TPD52: variants seen among roughly 807,000 people sequenced by gnomAD.
TPD52 encodes the protein prostate and colon associated protein.
Under a neutral mutation model 31.3 loss-of-function variants are expected in TPD52, and 17 were observed. The ratio of observed to expected loss-of-function variants is 0.54; its 90% CI spans 0.37 to 0.82. TPD52 has a LOEUF of 0.82. Ranked by LOEUF, TPD52 falls within the 40% of genes least tolerant of loss-of-function variation. The pLI, the probability that TPD52 is intolerant of heterozygous loss-of-function variation, is 0.00. For synonymous variants in TPD52, 83 were observed against 89.6 expected (o/e 0.93, Z 0.42); for missense variants, 212 against 240.1 (o/e 0.88, Z 0.77).
chr8:80,098,177 T>G (rs144644585), intron 1 of TPD52, among the ~76,000 whole-genome samples: 2 of 152,334 alleles, frequency 1.3e-5, no homozygotes, highest in South Asian at 2.1e-4. Flanking sequence ...CCGATGGAGA[T>G]GTACAAGGAG....
At chr8:80,077,516 C>A (rs1384439083) in intron 1 of TPD52, among the ~76,000 whole-genome samples, 2 of 152,054 alleles carry the variant, frequency 1.3e-5, no homozygotes, top group Non-Finnish European at 2.9e-5. Context: ...AGAACTTAAG[C>A]CTTGAATAGT....
chr8:80,039,433 C>T (rs114841697), intron 7 of TPD52, among the ~76,000 whole-genome samples: 248 of 150,856 alleles, frequency 1.6e-3, no homozygotes, highest in African/African-American at 5.7e-3. Context: ...TTTTTTTTTC[C>T]GTGTCACTTC....
chr8:80,161,732 A>ATTT (rs869141433), intron 1 of TPD52, among the ~76,000 whole-genome samples: 11,379 of 72,180 alleles, frequency 0.16, 591 homozygotes, highest in South Asian at 0.25. Flanking sequence ...ATATATATAT[A>ATTT]TTTTTTTTTT....
In TPD52 at chr8:80,046,666, A is replaced by G. The variant is rs118132420; in HGVS notation, c.414-2458T>C. Among the ~76,000 whole-genome samples, 398 of 152,322 alleles carry G rather than the reference A, an allele frequency of 2.6e-3. 2 individuals are homozygous for G. Among genetic ancestry groups the G allele is most frequent in the Non-Finnish European group, 4.5e-3 (303 of 68,028 alleles). The stretch of plus-strand genomic sequence containing the variant: ...AGGCACATTTTGTTAAAAATGTTGC[A>G]TCTTATTTGTAACCCCCAAATACAT... On this transcript the variant is annotated intron_variant, in intron 5 of 7. Coordinates refer to ENST00000518937, the MANE Select transcript of TPD52 (RefSeq NM_001025253.3).
At chr8:80,144,970 A>G (rs1810092757) in intron 1 of TPD52, among the ~76,000 whole-genome samples, 1 of 152,182 alleles carries the variant, frequency 6.6e-6, no homozygotes, top group African/African-American at 2.4e-5. Context: ...GATTAAGATT[A>G]TAATGAGTTA....
intron 1 of TPD52, among the ~76,000 whole-genome samples, chr8:80,163,815 A>G (rs1308972025): frequency 6.6e-6 from 1 of 152,232 alleles, no homozygotes; most frequent in Non-Finnish European, 1.5e-5. Context: ...AAAGAGTTAA[A>G]TAAACATTTG....
At chr8:80,155,929 G>A (rs2131225399) in intron 1 of TPD52, among the ~76,000 whole-genome samples, 1 of 151,686 alleles carries the variant, frequency 6.6e-6, no homozygotes, top group Admixed American at 6.6e-5. Context: ...AGAAAGAAGA[G>A]CAGATGAAGG....
chr8:80,147,626 AC>A (rs1236509584), intron 1 of TPD52, among the ~76,000 whole-genome samples: 20 of 152,074 alleles, frequency 1.3e-4, no homozygotes, highest in Admixed American at 2.6e-4. Flanking sequence ...GGCAGCGGCC[AC>A]CCCAGCTCCC....
At chr8:80,111,856 C>T (rs577339794) in intron 1 of TPD52, among the ~76,000 whole-genome samples, 6 of 152,292 alleles carry the variant, frequency 3.9e-5, no homozygotes, top group Non-Finnish European at 8.8e-5. Context: ...AGTTTTCTCA[C>T]CTGTAAAATC....
chr8:80,045,148 A>G (rs150821312), intron 5 of TPD52, among the ~76,000 whole-genome samples: 2 of 152,354 alleles, frequency 1.3e-5, no homozygotes, highest in East Asian at 3.9e-4. Context: ...TATTCTCTCT[A>G]TCCTACAATG....
intron 1 of TPD52, among the ~76,000 whole-genome samples, chr8:80,125,353 G>C (rs1808530019): frequency 6.6e-6 from 1 of 152,158 alleles, no homozygotes; most frequent in Non-Finnish European, 1.5e-5. Flanking sequence ...GCACATTTGA[G>C]GTTACAGGGA....
At chr8:80,149,429 C>T (rs1810425115) in intron 1 of TPD52, among the ~76,000 whole-genome samples, 1 of 152,134 alleles carries the variant, frequency 6.6e-6, no homozygotes, top group Admixed American at 6.5e-5. Context: ...TATAAATTAC[C>T]CACTTTCCAG....
At chr8:80,171,294 T>TGCGGCGCCGGCCCAGGAGGC in intron 1 of TPD52, 131 bp downstream of exon 1, 2 of 1,221,404 alleles carry the variant, frequency 1.6e-6, no homozygotes, top group Non-Finnish European at 2.3e-6. Flanking sequence ...AGATGCAACT[T>TGCGGCGCCGGCCCAGGAGGC]GCGGCGCCGG....
downstream of TPD52, among the ~76,000 whole-genome samples, chr8:80,032,543 A>T (rs1809720255): frequency 6.6e-6 from 1 of 152,182 alleles, no homozygotes; most frequent in African/African-American, 2.4e-5. Context: ...CACCTCAAAA[A>T]AGCCAAGGAA....
intron 1 of TPD52, among the ~76,000 whole-genome samples, chr8:80,132,051 C>A (rs1809060272): frequency 6.8e-6 from 1 of 147,572 alleles, no homozygotes. Flanking sequence ...TTTTTGGAGA[C>A]AGGGTCTCAC....
chr8:80,123,827 G>A (rs912575041), intron 1 of TPD52, among the ~76,000 whole-genome samples: 1 of 152,056 alleles, frequency 6.6e-6, no homozygotes, highest in African/African-American at 2.4e-5. Context: ...TGGTCAAAGA[G>A]GTATGAAAAA....
At chr8:80,170,661 G>C (rs563423999) in intron 1 of TPD52, among the ~76,000 whole-genome samples, 3 of 151,256 alleles carry the variant, frequency 2.0e-5, no homozygotes, top group African/African-American at 7.3e-5. Flanking sequence ...ACACATCTGC[G>C]TACAGTCACA....
At chr8:80,168,362 T>C (rs1008793071) in intron 1 of TPD52, among the ~76,000 whole-genome samples, 5 of 152,232 alleles carry the variant, frequency 3.3e-5, no homozygotes, top group African/African-American at 9.6e-5. Context: ...GATAAATGCA[T>C]GTAAGACAAG....
intron 1 of TPD52, among the ~76,000 whole-genome samples, chr8:80,133,455 T>G (rs1246994548): frequency 6.6e-6 from 1 of 152,166 alleles, no homozygotes; most frequent in African/African-American, 2.4e-5. Flanking sequence ...CCTTCTTCCC[T>G]CCAAAACCAG....
Sources: allele counts gnomAD v4.1 joint callset (sites outside exome capture counted in the v4.1 genomes callset), GRCh38; gene constraint gnomAD v4.1.1; transcripts MANE v1.5; gene names NCBI Gene and HGNC (gene_info 2026-07-23, HGNC 2026-07-21).